Variants in MGAT5 observed in about 807,000 individuals in gnomAD.
The protein encoded by MGAT5 is alpha-1,6-mannosylglycoprotein 6-beta-N-acetylglucosaminyltransferase.
Under a neutral mutation model 94.3 loss-of-function variants are expected in MGAT5, and 30 were observed. That is an observed-to-expected ratio of 0.32 (90% CI 0.24 to 0.43). The LOEUF (loss-of-function observed/expected upper bound fraction) is 0.43, where lower values mean the gene tolerates loss of function less well. Ranked by LOEUF, MGAT5 falls within the 20% of genes least tolerant of loss-of-function variation. MGAT5 has a pLI of 1.00. For synonymous variants in MGAT5, 310 were observed against 322.9 expected, an observed-to-expected ratio of 0.96 and a Z score of 0.43; for missense variants, 691 against 905.5, an observed-to-expected ratio of 0.76 and a Z score of 3.04.
chr2:134,283,965 C>G (rs925398560), intron 2 of MGAT5, among the ~76,000 whole-genome samples: 3 of 152,090 alleles, frequency 2.0e-5, no homozygotes, highest in Non-Finnish European at 4.4e-5. Flanking sequence ...ACTGTGAGCC[C>G]TAGTGAAGAA....
chr2:134,189,602 G>GTTTTTTTTGTTTTTTTTTT (rs1553490383), intron 1 of MGAT5, among the ~76,000 whole-genome samples: 4 of 84,654 alleles, frequency 4.7e-5, no homozygotes, highest in South Asian at 4.2e-4. Context: ...GTTTTTTTTT[G>GTTTTTTTTGTTTTTTTTTT]TTTTTTTTTT....
At chr2:134,413,920 C>G (rs1207190393) in intron 12 of MGAT5, among the ~76,000 whole-genome samples, 1 of 152,160 alleles carries the variant, frequency 6.6e-6, no homozygotes, top group Admixed American at 6.5e-5. Context: ...GTCATTTTCT[C>G]TCCCAAATAG....
At chr2:134,368,291 C>G (rs1267139618) in intron 10 of MGAT5, among the ~76,000 whole-genome samples, 1 of 152,214 alleles carries the variant, frequency 6.6e-6, no homozygotes, top group African/African-American at 2.4e-5. Flanking sequence ...ACCGCAGGAT[C>G]GCCAAGTCAG....
At chr2:134,233,802 A>G (rs1681491961) in intron 1 of MGAT5, among the ~76,000 whole-genome samples, 1 of 152,226 alleles carries the variant, frequency 6.6e-6, no homozygotes, top group African/African-American at 2.4e-5. Flanking sequence ...TCAAGAGGGC[A>G]CAGGGCTGGC....
chr2:134,244,127 G>A (rs966273329), intron 1 of MGAT5, among the ~76,000 whole-genome samples: 5 of 152,154 alleles, frequency 3.3e-5, no homozygotes, highest in African/African-American at 1.2e-4. Flanking sequence ...GAGAGTGGAA[G>A]CAAATCTTTT....
rs1685920086 is a variant in MGAT5, at chr2:134,448,477, G to A, written c.2028-172G>A. The stretch of plus-strand genomic sequence containing the variant: ...CACACATGCCTTCCTGAGTCTAGAT[G>A]CCTAGAGGTGGAGGATTGCAGACGA... On this transcript the variant is annotated intron_variant, in intron 15 of 15. Coordinates refer to ENST00000281923, the MANE Select transcript of MGAT5 (RefSeq NM_002410.5). Among the ~76,000 whole-genome samples the A allele has an allele frequency of 2.6e-5, 4 of 152,278 alleles. No individual in the cohort carries two copies. In the South Asian group the frequency reaches 8.3e-4, roughly 32 times the overall value.
intron 1 of MGAT5, among the ~76,000 whole-genome samples, chr2:134,178,125 G>A (rs1423952981): frequency 6.6e-6 from 1 of 151,994 alleles, no homozygotes. Context: ...GAGATTTTGG[G>A]AGTGAGTTTG....
At position 134,171,048 on chromosome 2, in the gene MGAT5, A is replaced by G. The variant is rs180782646; in HGVS notation, c.-143+50757A>G. The stretch of plus-strand genomic sequence containing the variant: ...GCTAATTTTTGTATTTTTAGTAGAG[A>G]TAGGGTTTTGCCATGTTGGCCAGGC... On this transcript the variant is annotated intron_variant, in intron 1 of 16. Transcript: ENST00000409645. Among the ~76,000 whole-genome samples the G allele has an allele frequency of 3.6e-3, 540 of 152,020 alleles. 1 individual carries two copies. The highest frequency in any genetic ancestry group is 6.8e-3 in the Middle Eastern group (2 of 294).
intron 2 of MGAT5, among the ~76,000 whole-genome samples, chr2:134,300,509 A>G (rs1483204289): frequency 6.6e-6 from 1 of 152,170 alleles, no homozygotes; most frequent in African/African-American, 2.4e-5. Flanking sequence ...ACTATACACA[A>G]TTAACTAGTT....
chr2:134,247,763 C>T (rs1051033677), intron 1 of MGAT5, among the ~76,000 whole-genome samples: 1 of 152,146 alleles, frequency 6.6e-6, no homozygotes, highest in Non-Finnish European at 1.5e-5. Context: ...CATGTGGAAA[C>T]TGAGATGGAC....
rs1344927040 is a variant in MGAT5, at chr2:134,264,033, T to TA, written c.242-6353_242-6352insA. On this transcript the variant is annotated intron_variant, in intron 1 of 15. Transcript: ENST00000281923. Reference sequence around the variant, plus strand: ...TGCCATTAGGTTTTTTTTTTTTTTTTTTTTTTGAGATGGAGTTTCACTCTT... The same window carrying TA: ...TGCCATTAGGTTTTTTTTTTTTTTTTATTTTTTGAGATGGAGTTTCACTCTT... 7.0e-4 allele frequency among the ~76,000 whole-genome samples: 104 copies of TA among 149,328 alleles called. 1 individual carries two copies. Among genetic ancestry groups the TA allele is most frequent in the African/African-American group, 2.4e-3 (96 of 40,460 alleles).
chr2:134,367,617 C>G (rs1404216931), intron 10 of MGAT5, among the ~76,000 whole-genome samples: 1 of 152,240 alleles, frequency 6.6e-6, no homozygotes, highest in Non-Finnish European at 1.5e-5. Context: ...TAAACCAGCT[C>G]TCTCTCAGAA....
At chr2:134,438,453 A>G (rs1685295085) in intron 14 of MGAT5, among the ~76,000 whole-genome samples, 1 of 152,182 alleles carries the variant, frequency 6.6e-6, no homozygotes, top group Non-Finnish European at 1.5e-5. Flanking sequence ...ATCATCAGTA[A>G]CTCCATTGAT....
At position 134,340,469 on chromosome 2, in the gene MGAT5, C is replaced by T. The variant is rs562872019; in HGVS notation, c.808-1121C>T. On this transcript the variant is annotated intron_variant, in intron 6 of 15. Coordinates refer to ENST00000281923, the MANE Select transcript of MGAT5 (RefSeq NM_002410.5). ...TTGGATAGTCAGTGAGAGGAATATC[C>T]ACAATATTTTGAAGCATATCAAATA... 3.5e-4 allele frequency among the ~76,000 whole-genome samples: 54 copies of T among 152,160 alleles called. 1 individual carries two copies. The South Asian group carries it at 8.9e-3, about 25-fold the overall frequency.
chr2:134,130,885 T>G (rs1160052629), intron 1 of MGAT5, among the ~76,000 whole-genome samples: 2 of 152,178 alleles, frequency 1.3e-5, no homozygotes, highest in Non-Finnish European at 2.9e-5. Context: ...GGATTGTAAA[T>G]GCACCAATCA....
At chr2:134,393,631 A>C (rs1361280040) in intron 10 of MGAT5, among the ~76,000 whole-genome samples, 1 of 152,080 alleles carries the variant, frequency 6.6e-6, no homozygotes, top group African/African-American at 2.4e-5. Context: ...GTCCCCAGAG[A>C]GGTGCCTTTT....
chr2:134,426,131 C>A (rs1036279119), intron 13 of MGAT5, among the ~76,000 whole-genome samples: 3 of 152,188 alleles, frequency 2.0e-5, no homozygotes, highest in South Asian at 2.1e-4. Context: ...CTCTGAAGAG[C>A]TTTCCAATGC....
intron 1 of MGAT5, among the ~76,000 whole-genome samples, chr2:134,256,463 A>G (rs1310006081): frequency 6.6e-6 from 1 of 152,208 alleles, no homozygotes; most frequent in Non-Finnish European, 1.5e-5. Context: ...TCCATGGGCA[A>G]GAAGAAGCCC....
At chr2:134,300,897 A>C (rs1030246950) in intron 2 of MGAT5, among the ~76,000 whole-genome samples, 1 of 152,206 alleles carries the variant, frequency 6.6e-6, no homozygotes, top group East Asian at 1.9e-4. Flanking sequence ...CATACCCTGC[A>C]CAGCCCAGTT....
Sources: gnomAD v4.1 joint callset for allele counts (sites outside exome capture counted in the v4.1 genomes callset) on GRCh38, gnomAD v4.1.1 for gene constraint, MANE v1.5 for transcripts, NCBI Gene and HGNC (gene_info 2026-07-23, HGNC 2026-07-21) for gene names.